The following CHCHD3 variants were observed in gnomAD, a reference collection of about 807,000 sequenced individuals.
CHCHD3 encodes the protein MICOS complex subunit MIC19.
Under a neutral mutation model 38.2 loss-of-function variants are expected in CHCHD3, and 20 were observed. The observed-to-expected ratio is 0.52, with a 90% CI of 0.37 to 0.76. The LOEUF is 0.76. Ranked by LOEUF, CHCHD3 falls within the 30% of genes least tolerant of loss-of-function variation. The pLI, the probability that CHCHD3 is intolerant of heterozygous loss-of-function variation, is 0.00. For synonymous variants in CHCHD3, 82 were observed against 100.0 expected (o/e 0.82, Z 1.07); for missense variants, 245 against 279.2 (o/e 0.88, Z 0.87).
chr7:132,993,386 A>G (rs182636319), intron 3 of CHCHD3, among the ~76,000 whole-genome samples: 1 of 152,350 alleles, frequency 6.6e-6, no homozygotes, highest in East Asian at 1.9e-4. Flanking sequence ...TCAAAATGCA[A>G]CTTAAAATTG....
At chr7:133,015,739 G>T (rs1435276016) in intron 3 of CHCHD3, among the ~76,000 whole-genome samples, 2 of 152,130 alleles carry the variant, frequency 1.3e-5, no homozygotes, top group Non-Finnish European at 2.9e-5. Flanking sequence ...ATATGACCTT[G>T]GTGTATTAGT....
chr7:132,885,009 T>A (rs1479787814), intron 5 of CHCHD3, among the ~76,000 whole-genome samples: 2 of 152,200 alleles, frequency 1.3e-5, no homozygotes, highest in African/African-American at 4.8e-5. Context: ...CCTAGCACTT[T>A]GGGAGGCTGA....
intron 3 of CHCHD3, among the ~76,000 whole-genome samples, chr7:132,991,237 T>G (rs1812277212): frequency 6.6e-6 from 1 of 152,208 alleles, no homozygotes; most frequent in African/African-American, 2.4e-5. Context: ...CATAATTTGC[T>G]TCTTTATTCT....
intron 6 of CHCHD3, among the ~76,000 whole-genome samples, chr7:132,820,274 A>T (rs1343098067): frequency 6.6e-6 from 1 of 152,224 alleles, no homozygotes; most frequent in African/African-American, 2.4e-5. Flanking sequence ...TAAATGTTGT[A>T]TTCATAAAAA....
At chr7:132,924,462 T>A (rs2117243621) in intron 4 of CHCHD3, among the ~76,000 whole-genome samples, 1 of 152,256 alleles carries the variant, frequency 6.6e-6, no homozygotes, top group East Asian at 1.9e-4. Flanking sequence ...TAGGTAAAAA[T>A]TAATCTCTCC....
chr7:132,972,595 G>A (rs1466080330), intron 4 of CHCHD3: 6 of 985,234 alleles, frequency 6.1e-6, no homozygotes, highest in African/African-American at 1.7e-5. Flanking sequence ...TAAATAAATT[G>A]GGAACTGCCC....
intron 2 of CHCHD3, among the ~76,000 whole-genome samples, chr7:133,041,837 T>C (rs1057445817): frequency 6.6e-6 from 1 of 152,242 alleles, no homozygotes; most frequent in South Asian, 2.1e-4. Context: ...GTTCTGCTGC[T>C]AAACTCTGGG....
chr7:133,073,162 C>T (rs1814876497), intron 1 of CHCHD3, among the ~76,000 whole-genome samples: 1 of 152,044 alleles, frequency 6.6e-6, no homozygotes, highest in Admixed American at 6.6e-5. Flanking sequence ...ACACCTCTGG[C>T]CACTCCCGTC....
At chr7:132,969,640 A>C (rs1811562432) in intron 4 of CHCHD3, among the ~76,000 whole-genome samples, 1 of 152,104 alleles carries the variant, frequency 6.6e-6, no homozygotes, top group Non-Finnish European at 1.5e-5. Context: ...TAGTAATACT[A>C]CCTCCCAAAT....
intron 3 of CHCHD3, among the ~76,000 whole-genome samples, chr7:133,009,189 C>G (rs556460374): frequency 6.6e-6 from 1 of 151,670 alleles, no homozygotes; most frequent in Non-Finnish European, 1.5e-5. Context: ...CATGTGACAC[C>G]CCATCTCTAT....
chr7:132,843,720 C>T (rs1807999999), intron 5 of CHCHD3, among the ~76,000 whole-genome samples: 1 of 152,178 alleles, frequency 6.6e-6, no homozygotes, highest in Non-Finnish European at 1.5e-5. Flanking sequence ...TAATAGGTTG[C>T]ACATGCTGCT....
intron 6 of CHCHD3, among the ~76,000 whole-genome samples, chr7:132,832,534 C>T (rs373137927): frequency 6.6e-6 from 1 of 152,062 alleles, no homozygotes; most frequent in African/African-American, 2.4e-5. Context: ...AATAGAAACT[C>T]GCCACTTCAT....
intron 2 of CHCHD3, among the ~76,000 whole-genome samples, chr7:133,067,655 A>G (rs1327890980): frequency 1.3e-5 from 2 of 152,182 alleles, no homozygotes; most frequent in Non-Finnish European, 2.9e-5. Flanking sequence ...CTGGACAGCC[A>G]TTTGTTTCTG....
intron 4 of CHCHD3, among the ~76,000 whole-genome samples, chr7:132,928,821 CT>C (rs1474278275): frequency 6.6e-6 from 1 of 152,124 alleles, no homozygotes; most frequent in African/African-American, 2.4e-5. Context: ...TTTAAATTTG[CT>C]CAGGTCATCC....
intron 4 of CHCHD3, among the ~76,000 whole-genome samples, chr7:132,914,953 G>A (rs193227991): frequency 7.8e-4 from 119 of 152,214 alleles, no homozygotes; most frequent in East Asian, 1.9e-4. Flanking sequence ...CCTGAGGTCC[G>A]GAGTTTGAGA....
intron 4 of CHCHD3, among the ~76,000 whole-genome samples, chr7:132,942,632 TA>T (rs1562915952): frequency 6.6e-6 from 1 of 152,128 alleles, no homozygotes; most frequent in African/African-American, 2.4e-5. Flanking sequence ...AAGATATCCA[TA>T]AGAAATACAT....
intron 3 of CHCHD3, among the ~76,000 whole-genome samples, chr7:133,007,190 A>C (rs1812722819): frequency 6.6e-6 from 1 of 152,198 alleles, no homozygotes; most frequent in Non-Finnish European, 1.5e-5. Flanking sequence ...AAGCTGTTAC[A>C]GGTGGGGTAA....
intron 5 of CHCHD3, among the ~76,000 whole-genome samples, chr7:132,860,576 C>G (rs142492038): frequency 6.6e-6 from 1 of 151,994 alleles, no homozygotes; most frequent in African/African-American, 2.4e-5. Flanking sequence ...TTTATTCTAA[C>G]GGCTATGGAA....
chr7:133,045,276 C>A (rs1288276598), intron 2 of CHCHD3, among the ~76,000 whole-genome samples: 2 of 152,146 alleles, frequency 1.3e-5, no homozygotes, highest in African/African-American at 4.8e-5. Flanking sequence ...CGAAGAGGTT[C>A]AGACTCACCC....
Sources: allele counts gnomAD v4.1 joint callset (sites outside exome capture counted in the v4.1 genomes callset), GRCh38; gene constraint gnomAD v4.1.1; transcripts MANE v1.5; gene names NCBI Gene and HGNC (gene_info 2026-07-23, HGNC 2026-07-21).